DNAH14: variants seen among roughly 807,000 people sequenced by gnomAD.
The protein encoded by DNAH14 is dynein axonemal heavy chain 14.
DNAH14 carries 478 observed loss-of-function variants against 520.9 expected under a neutral mutation model. The observed-to-expected ratio is 0.92, with a 90% CI of 0.85 to 0.99. The LOEUF is 0.99. Among genes scored for constraint, DNAH14 ranks in the 50% least tolerant of loss-of-function variants. The pLI, the probability that DNAH14 is intolerant of heterozygous loss-of-function variation, is 0.00. For synonymous variants in DNAH14, 1,581 were observed against 1,757.2 expected (o/e 0.90, Z 2.51); for missense variants, 4,831 against 5,234.5 (o/e 0.92, Z 2.38).
At chr1:225,166,128 A>T (rs1025952748) in intron 35 of DNAH14, among the ~76,000 whole-genome samples, 1 of 152,050 alleles carries the variant, frequency 6.6e-6, no homozygotes, top group African/African-American at 2.4e-5. Flanking sequence ...GGGCCTACAA[A>T]CTTTCCGCTC....
Position 225,264,236 on chromosome 1 carries a change from T to G in DNAH14, c.7197T>G (p.Thr2399=). The G allele has an allele frequency of 5.2e-6, 8 of 1,550,040 alleles. No homozygotes were observed. The highest frequency in any genetic ancestry group is 6.1e-6 in the Non-Finnish European group (7 of 1,145,886). ...ATATCACCATCTTGATTCCTGAAAC[T>G]CATAAGACAGCAACTGGAAGTTCAG... is the stretch of plus-strand genomic sequence containing the variant. The part of the protein sequence containing the change: ...KQNITILIPE[T]HKTATGSSDN... Residue 2399 remains threonine, a synonymous_variant, in exon 47 of 86, where the codon ACT becomes ACG. Coordinates refer to ENST00000682510, the MANE Select transcript of DNAH14 (RefSeq NM_001367479.1).
Position 225,260,089 on chromosome 1 carries a change from G to A in DNAH14, c.7157+836G>A, listed in dbSNP as rs146001493. On this transcript the variant is annotated intron_variant, in intron 46 of 85. Coordinates refer to ENST00000682510, the MANE Select transcript of DNAH14 (RefSeq NM_001367479.1). ...ATTCAGGCTGGGTGCAGTGTTTCACGCCTGTAATCCCAGCACTTTAGGAGG... is the reference window on the plus strand; with the variant it reads ...ATTCAGGCTGGGTGCAGTGTTTCACACCTGTAATCCCAGCACTTTAGGAGG... Among the ~76,000 whole-genome samples, 581 of 152,080 alleles carry A rather than the reference G, an allele frequency of 3.8e-3. 5 individuals carry two copies. The highest frequency in any genetic ancestry group is 0.014 in the African/African-American group (563 of 41,482).
At chr1:225,265,095 T>C in intron 47 of DNAH14, 87 bp from the exon 48 acceptor site, 1 of 911,954 alleles carries the variant, frequency 1.1e-6, no homozygotes, top group Non-Finnish European at 1.6e-6. Context: ...TTATGTAATT[T>C]TCAAATTTCA....
rs145178151 is a variant in DNAH14 at position 225,206,612 on chromosome 1, T to G, written c.6187-356T>G. Reference sequence around the variant, plus strand: ...AGTCTCTATTCTCTATACATGAAGTTATTAGCTATAATTAACCCTATGCTC... The same window carrying G: ...AGTCTCTATTCTCTATACATGAAGTGATTAGCTATAATTAACCCTATGCTC... On this transcript the variant is annotated intron_variant, in intron 40 of 85. Coordinates refer to ENST00000682510, the MANE Select transcript of DNAH14 (RefSeq NM_001367479.1). Among the ~76,000 whole-genome samples the G allele has an allele frequency of 3.5e-4, 54 of 152,320 alleles. No homozygotes were observed. In the East Asian group the frequency reaches 7.7e-3, roughly 22 times the overall value.
At chr1:225,069,721 A>G (rs1384769410) in intron 17 of DNAH14, among the ~76,000 whole-genome samples, 1 of 152,184 alleles carries the variant, frequency 6.6e-6, no homozygotes, top group Non-Finnish European at 1.5e-5. Context: ...TGCTGGCCTC[A>G]TAGAATGACT....
intron 36 of DNAH14, among the ~76,000 whole-genome samples, chr1:225,171,320 T>A (rs1266574045): frequency 6.6e-6 from 1 of 151,972 alleles, no homozygotes; most frequent in Non-Finnish European, 1.5e-5. Context: ...AAAAAATCAG[T>A]GAATCCAGGA....
At chr1:225,375,413 A>G (rs1253957819) in intron 78 of DNAH14, among the ~76,000 whole-genome samples, 1 of 152,180 alleles carries the variant, frequency 6.6e-6, no homozygotes, top group African/African-American at 2.4e-5. Flanking sequence ...CTTAGACTGT[A>G]GAGGGTTGGA....
At chr1:225,267,450 C>G (rs1842337) in intron 49 of DNAH14, among the ~76,000 whole-genome samples, 4 of 151,866 alleles carry the variant, frequency 2.6e-5, no homozygotes, top group African/African-American at 7.2e-5. Flanking sequence ...CCCACCACCA[C>G]GCCCAGCTAG....
chr1:225,287,428 G>C (rs1341597095), intron 54 of DNAH14, among the ~76,000 whole-genome samples: 1 of 152,122 alleles, frequency 6.6e-6, no homozygotes, highest in East Asian at 1.9e-4. Flanking sequence ...ATGGATGGCA[G>C]ATGTTGGAAA....
At chr1:225,063,423 TA>T (rs1309793441) in intron 17 of DNAH14, among the ~76,000 whole-genome samples, 5 of 152,170 alleles carry the variant, frequency 3.3e-5, no homozygotes, top group Non-Finnish European at 7.4e-5. Context: ...TGTTGTTTTT[TA>T]AAAACACTTT....
At chr1:225,153,974 G>A in intron 34 of DNAH14, 148 bp downstream of exon 34, 1 of 519,656 alleles carries the variant, frequency 1.9e-6, no homozygotes, top group East Asian at 3.3e-5. Context: ...TTAAGAATAT[G>A]AAAGAAGAGT....
At chr1:225,057,022 T>A (rs1423183561) in intron 17 of DNAH14, among the ~76,000 whole-genome samples, 1 of 152,214 alleles carries the variant, frequency 6.6e-6, no homozygotes, top group Non-Finnish European at 1.5e-5. Flanking sequence ...GGGCCCTTTT[T>A]TGGTTCCATA....
At chr1:225,222,936 C>G (rs74399189) in intron 41 of DNAH14, among the ~76,000 whole-genome samples, 7,416 of 152,244 alleles carry the variant, frequency 0.049, 284 homozygotes, top group Non-Finnish European at 0.072. Context: ...AGTAACATCT[C>G]TGATATTATG....
At chr1:224,963,401 G>GT (rs2060964630) in intron 4 of DNAH14, among the ~76,000 whole-genome samples, 1 of 151,852 alleles carries the variant, frequency 6.6e-6, no homozygotes, top group Non-Finnish European at 1.5e-5. Flanking sequence ...TCTATAATTT[G>GT]TTTTTCCACA....
In DNAH14 at chr1:225,308,289, CAG is replaced by C. The variant is rs1185443364; in HGVS notation, c.9121_9122del (p.Glu3041AsnfsTer14). Reference sequence around the variant, plus strand: ...AACAATTATGTGCTTCATTAGGAAACAGAAACTCTAATGGAAAAACTACGGAA... The same window carrying C: ...AACAATTATGTGCTTCATTAGGAAACAAACTCTAATGGAAAAACTACGGAA... On this transcript the variant is annotated frameshift_variant, in exon 60 of 86. Coordinates refer to ENST00000682510, the MANE Select transcript of DNAH14 (RefSeq NM_001367479.1). LOFTEE classifies it high-confidence loss of function. 3.9e-6 allele frequency: 6 copies of C among 1,536,068 alleles called. No individual in the cohort carries two copies. Among genetic ancestry groups the C allele is most frequent in the Non-Finnish European group, 2.6e-6 (3 of 1,143,066 alleles).
At position 225,118,000 on chromosome 1, in the gene DNAH14, G is replaced by A; in HGVS notation, c.4091+1G>A. 6.5e-7 allele frequency: 1 copy of A among 1,534,748 alleles called. No homozygotes were observed. Among genetic ancestry groups the A allele is most frequent in the Non-Finnish European group, 8.8e-7 (1 of 1,131,556 alleles). ...AAGGGGAAGGTCTCGTGCTGCCAAA[G>A]TATGATAAATGTTACAAACTGTTTA... On this transcript the variant is annotated splice_donor_variant, in intron 25 of 85. Transcript: ENST00000682510. LOFTEE classifies it high-confidence loss of function.
chr1:224,979,277 C>T (rs573085011), intron 8 of DNAH14, among the ~76,000 whole-genome samples: 4 of 152,282 alleles, frequency 2.6e-5, no homozygotes, highest in African/African-American at 9.6e-5. Flanking sequence ...TTCTCCCATG[C>T]CATGGCAGTG....
At chr1:225,119,336 A>G (rs1490163117) in intron 26 of DNAH14, 42 bp downstream of exon 26, 2 of 1,364,632 alleles carry the variant, frequency 1.5e-6, no homozygotes, top group Non-Finnish European at 2.0e-6. Context: ...TATTTTATAT[A>G]TATACTTGCA....
At chr1:225,108,119 C>T (rs543082009) in intron 23 of DNAH14, among the ~76,000 whole-genome samples, 4 of 152,278 alleles carry the variant, frequency 2.6e-5, no homozygotes, top group South Asian at 2.1e-4. Flanking sequence ...GGCAGAGGAA[C>T]GTGGAAGGAC....
Sources: gnomAD v4.1 joint callset for allele counts (sites outside exome capture counted in the v4.1 genomes callset) on GRCh38, gnomAD v4.1.1 for gene constraint, MANE v1.5 for transcripts, NCBI Gene and HGNC (gene_info 2026-07-23, HGNC 2026-07-21) for gene names.